The following SOX9 variants were observed in gnomAD, a reference collection of about 807,000 sequenced individuals.
SOX9 encodes transcription factor SOX-9.
A neutral mutation model predicts 44.8 loss-of-function variants in SOX9; 2 were observed. The ratio of observed to expected loss-of-function variants is 0.04; its 90% CI spans 0.02 to 0.14. The LOEUF (loss-of-function observed/expected upper bound fraction) is 0.14. SOX9 is among the 10% of genes least tolerant of loss of function. The pLI, the probability that SOX9 is intolerant of heterozygous loss-of-function variation, is 1.00. For synonymous variants in SOX9, 381 were observed against 331.8 expected, an observed-to-expected ratio of 1.15 and a Z score of -1.61; for missense variants, 583 against 728.6, an observed-to-expected ratio of 0.80 and a Z score of 2.30.
Position 72,121,547 on chromosome 17 carries a change from G to C in SOX9, c.156G>C (p.Thr52=), listed in dbSNP as rs747786977. 10 of 1,609,334 alleles carry C rather than the reference G, an allele frequency of 6.2e-6. No homozygotes were observed. The Admixed American group carries it at 1.7e-4, about 27-fold the overall frequency. Residue 52 remains threonine, a synonymous_variant, in exon 1 of 3, where the codon ACG becomes ACC. Coordinates refer to ENST00000245479, the MANE Select transcript of SOX9 (RefSeq NM_000346.4). The surrounding 1 kb of genome is among the most constrained non-coding windows in gnomAD (Gnocchi z 8.3). ...DTENTRPQEN[T]FPKGEPDLKK... is the part of the protein sequence containing the mutation. ...AGAACACGCGGCCCCAGGAGAACAC[G>C]TTCCCCAAGGGCGAGCCCGATCTGA... is the stretch of plus-strand genomic sequence containing the variant.
chr17:72,121,192 T>C lies in SOX9; in HGVS notation c.-200T>C, dbSNP rs1908073633. 3 of 591,616 alleles carry C rather than the reference T, an allele frequency of 5.1e-6. No homozygotes were observed. The highest frequency in any genetic ancestry group is 1.9e-5 in the African/African-American group (1 of 51,528). The allele number at this position is 591,616 out of a possible 1,614,324, so 36.6% of individuals were successfully genotyped here. A position where few individuals can be genotyped will look rare whatever the true frequency, so the allele number is the denominator to read the frequency against. ...TCCTCTCCAATTCGCCTCCCCCCAC[T>C]TGGAGCGGGCAGCTGTGAACTGGCC... On this transcript the variant is annotated 5_prime_UTR_variant, in exon 1 of 3. Transcript: ENST00000245479. This position sits in a 1 kb window ranked among gnomAD's most constrained non-coding sequence, Gnocchi z 8.3.
chr17:72,125,203 T>C lies in SOX9; in HGVS notation c.*816T>C. 4.4e-6 allele frequency: 1 copy of C among 226,614 alleles called. No homozygotes were observed. Among genetic ancestry groups the C allele is most frequent in the Non-Finnish European group, 8.8e-6 (1 of 113,740 alleles). The allele number at this position is 226,614 out of a possible 1,614,324, so 14.0% of individuals were successfully genotyped here. A position where few individuals can be genotyped will look rare whatever the true frequency, so the allele number is the denominator to read the frequency against. On this transcript the variant is annotated 3_prime_UTR_variant, in exon 3 of 3. Transcript: ENST00000245479. ...AGCATTTGGTAAGCTTTATCATATA[T>C]ATATTTTTTAAAGAAGAGAAAAACA...
In SOX9 at chr17:72,121,866, G is replaced by T; in HGVS notation, c.431+44G>T. On this transcript the variant is annotated intron_variant, in intron 1 of 2. Coordinates refer to ENST00000245479, the MANE Select transcript of SOX9 (RefSeq NM_000346.4). This position sits in a 1 kb window ranked among gnomAD's most constrained non-coding sequence, Gnocchi z 8.3. ...GGCGCGGCAGGGTGGGCATCGCGGC[G>T]GCTGGGGGCGCTGGTCAGGGCTGAT... 6.7e-7 allele frequency: 1 copy of T among 1,501,724 alleles called. No homozygotes were observed. Among genetic ancestry groups the T allele is most frequent in the Non-Finnish European group, 8.9e-7 (1 of 1,125,638 alleles). 93.0% of individuals were successfully genotyped at this position (1,501,724 alleles called of 1,614,324 possible).
Position 72,122,842 on chromosome 17 carries a change from G to A in SOX9, c.555G>A (p.Gly185=), listed in dbSNP as rs749381187. ...GGCGGAGGAAGTCGGTGAAGAACGG[G>A]CAGGCGGAGGCAGAGGAGGCCACGG... is the stretch of plus-strand genomic sequence containing the variant. ...QPRRRKSVKN[G]QAEAEEATEQ... Residue 185 remains glycine (G), a synonymous_variant, in exon 2 of 3, where the codon GGG becomes GGA. Transcript: ENST00000245479. The A allele has an allele frequency of 4.3e-6, 7 of 1,614,172 alleles. No individual in the cohort carries two copies. Among genetic ancestry groups the A allele is most frequent in the East Asian group, 2.2e-5 (1 of 44,882 alleles).
Position 72,125,897 on chromosome 17 carries a change from G to A in SOX9, c.*1510G>A, listed in dbSNP as rs1908270026. Reference sequence around the variant, plus strand: ...ACAGACCTTTGGGCTGCCTTATATTGTGTGTGTGTGTGGGTGTGTGTGTGT... The same window carrying A: ...ACAGACCTTTGGGCTGCCTTATATTATGTGTGTGTGTGGGTGTGTGTGTGT... On this transcript the variant is annotated 3_prime_UTR_variant, in exon 3 of 3. Transcript: ENST00000245479. 4.6e-6 allele frequency: 1 copy of A among 219,518 alleles called. No individual in the cohort carries two copies. Among genetic ancestry groups the A allele is most frequent in the Non-Finnish European group, 9.1e-6 (1 of 109,394 alleles). 13.6% of individuals were successfully genotyped at this position (219,518 alleles called of 1,614,324 possible). A position where few individuals can be genotyped will look rare whatever the true frequency, so the allele number is the denominator to read the frequency against.
rs1398925996 is a variant in SOX9, at chr17:72,123,092, C to G, written c.685+120C>G. On this transcript the variant is annotated intron_variant, in intron 2 of 2. Coordinates refer to ENST00000245479, the MANE Select transcript of SOX9 (RefSeq NM_000346.4). This position sits in a 1 kb window ranked among gnomAD's most constrained non-coding sequence, Gnocchi z 6.5. ...TGCTTCCCGGGAGGGACACACTGCC[C>G]TTTGCGCCCGTCCCGCTCCCCTCTC... 1 of 1,293,628 alleles carries G rather than the reference C, an allele frequency of 7.7e-7. No individual in the cohort carries two copies. The highest frequency in any genetic ancestry group is 1.5e-5 in the African/African-American group (1 of 68,322). The allele number at this position is 1,293,628 out of a possible 1,614,324, so 80.1% of individuals were successfully genotyped here.
Position 72,123,135 on chromosome 17 carries a change from G to A in SOX9, c.685+163G>A, listed in dbSNP as rs1269713025. ...CCCCTCTCTACCCAGAGCCTAAGAG[G>A]CATCCAAACAACACACACACAAACA... is the stretch of plus-strand genomic sequence containing the variant. On this transcript the variant is annotated intron_variant, in intron 2 of 2. Coordinates refer to ENST00000245479, the MANE Select transcript of SOX9 (RefSeq NM_000346.4). This position sits in a 1 kb window ranked among gnomAD's most constrained non-coding sequence, Gnocchi z 6.5. Among the ~76,000 whole-genome samples the A allele has an allele frequency of 6.6e-6, 1 of 152,088 alleles. No homozygotes were observed. Among genetic ancestry groups the A allele is most frequent in the Non-Finnish European group, 1.5e-5 (1 of 68,006 alleles).
chr17:72,121,279 C>G lies in SOX9; in HGVS notation c.-113C>G. ...GCCGACGCGCCAGCTTCCCCGGGAG[C>G]CGCTTGCTCCGCATCCGGGCAGCCG... On this transcript the variant is annotated 5_prime_UTR_variant, in exon 1 of 3. Transcript: ENST00000245479. The surrounding 1 kb of genome is among the most constrained non-coding windows in gnomAD (Gnocchi z 8.3). The G allele has an allele frequency of 1.0e-6, 1 of 970,188 alleles. No homozygotes were observed. Among genetic ancestry groups the G allele is most frequent in the South Asian group, 1.5e-5 (1 of 66,398 alleles). The allele number at this position is 970,188 out of a possible 1,614,324, so 60.1% of individuals were successfully genotyped here. A position where few individuals can be genotyped will look rare whatever the true frequency, so the allele number is the denominator to read the frequency against.
rs1567909950 is a variant in SOX9 at position 72,121,312 on chromosome 17, A to G, written c.-80A>G. 10 of 1,307,614 alleles carry G rather than the reference A, an allele frequency of 7.6e-6. No homozygotes were observed. The highest frequency in any genetic ancestry group is 1.1e-5 in the Non-Finnish European group (10 of 914,716). 81.0% of individuals were successfully genotyped at this position (1,307,614 alleles called of 1,614,324 possible). A position where few individuals can be genotyped will look rare whatever the true frequency, so the allele number is the denominator to read the frequency against. ...TCCGCATCCGGGCAGCCGAGGGGAGAGGAGCCCGCGCCTCGAGTCCCCGAG... is the reference window on the plus strand; with the variant it reads ...TCCGCATCCGGGCAGCCGAGGGGAGGGGAGCCCGCGCCTCGAGTCCCCGAG... On this transcript the variant is annotated 5_prime_UTR_variant, in exon 1 of 3. Transcript: ENST00000245479. This position sits in a 1 kb window ranked among gnomAD's most constrained non-coding sequence, Gnocchi z 8.3.
Position 72,121,556 on chromosome 17 carries a change from G to A in SOX9, c.165G>A (p.Lys55=), listed in dbSNP as rs2143237824. The change falls in exon 1 of 3, where the codon AAG becomes AAA. Residue 55 remains lysine, a synonymous_variant. Coordinates refer to ENST00000245479, the MANE Select transcript of SOX9 (RefSeq NM_000346.4). This position sits in a 1 kb window ranked among gnomAD's most constrained non-coding sequence, Gnocchi z 8.3. The part of the protein sequence containing the change: ...NTRPQENTFP[K]GEPDLKKESE... ...GGCCCCAGGAGAACACGTTCCCCAAGGGCGAGCCCGATCTGAAGAAGGAGA... is the reference window on the plus strand; with the variant it reads ...GGCCCCAGGAGAACACGTTCCCCAAAGGCGAGCCCGATCTGAAGAAGGAGA... 1 of 1,609,462 alleles carries A rather than the reference G, an allele frequency of 6.2e-7. No homozygotes were observed. Among genetic ancestry groups the A allele is most frequent in the Non-Finnish European group, 8.5e-7 (1 of 1,178,348 alleles).
Position 72,125,657 on chromosome 17 carries a change from C to T in SOX9, c.*1270C>T, listed in dbSNP as rs1375254742. The T allele has an allele frequency of 1.3e-5, 3 of 223,528 alleles. No homozygotes were observed. Among genetic ancestry groups the T allele is most frequent in the Non-Finnish European group, 8.9e-6 (1 of 112,564 alleles). 13.8% of individuals were successfully genotyped at this position (223,528 alleles called of 1,614,324 possible). A position where few individuals can be genotyped will look rare whatever the true frequency, so the allele number is the denominator to read the frequency against. ...TGTTAAATTATGTTCTTAACTGTAA[C>T]CAGTTTTTTTTTATTTATCTCTTTA... On this transcript the variant is annotated 3_prime_UTR_variant, in exon 3 of 3. Coordinates refer to ENST00000245479, the MANE Select transcript of SOX9 (RefSeq NM_000346.4).
At position 72,123,948 on chromosome 17, in the gene SOX9, C is replaced by A. The variant is rs200133354; in HGVS notation, c.1091C>A (p.Ala364Glu). The A allele has an allele frequency of 7.3e-7, 1 of 1,375,790 alleles. No homozygotes were observed. The highest frequency in any genetic ancestry group is 9.4e-7 in the Non-Finnish European group (1 of 1,068,478). 85.2% of individuals were successfully genotyped at this position (1,375,790 alleles called of 1,614,324 possible). The change falls in exon 3 of 3, where the codon GCG (alanine) becomes GAG (glutamate). Residue 364 changes from alanine (A) to glutamate (E), a missense_variant. Around this residue, in one of 7 missense-constraint regions of SOX9, gnomAD observed 349 missense variants for 387.0 expected, o/e 0.90. Transcript: ENST00000245479. The surrounding 1 kb of genome is among the most constrained non-coding windows in gnomAD (Gnocchi z 6.5). ...PAPQAPPQPQAAPPQQPAAPP... is the reference protein window; with the variant it reads ...PAPQAPPQPQEAPPQQPAAPP... Reference sequence around the variant, plus strand: ...CCGCAGGCGCCCCCGCAGCCGCAGGCGGCGCCCCCACAGCAGCCGGCGGCA... The same window carrying A: ...CCGCAGGCGCCCCCGCAGCCGCAGGAGGCGCCCCCACAGCAGCCGGCGGCA...
rs758181921 is a variant in SOX9, at chr17:72,124,144, C to A, written c.1287C>A (p.Ser429Arg). The change falls in exon 3 of 3, where the codon AGC becomes AGA. Residue 429 changes from serine (S) to arginine (R), a missense_variant. Coordinates refer to ENST00000245479, the MANE Select transcript of SOX9 (RefSeq NM_000346.4). The surrounding 1 kb of genome is among the most constrained non-coding windows in gnomAD (Gnocchi z 4.6). ...AYSPFNLPHY[S>R]PSYPPITRSQ... ...GCCCCTTCAACCTCCCACACTACAG[C>A]CCCTCCTACCCGCCCATCACCCGCT... The A allele has an allele frequency of 1.2e-6, 2 of 1,613,858 alleles. No homozygotes were observed. The highest frequency in any genetic ancestry group is 1.7e-6 in the Non-Finnish European group (2 of 1,180,014).
Position 72,125,718 on chromosome 17 carries a change from T to C in SOX9, c.*1331T>C, listed in dbSNP as rs1908265429. 4.4e-6 allele frequency: 1 copy of C among 227,160 alleles called. No individual in the cohort carries two copies. Among genetic ancestry groups the C allele is most frequent in the South Asian group, 1.8e-4 (1 of 5,476 alleles). 14.1% of individuals were successfully genotyped at this position (227,160 alleles called of 1,614,324 possible). A position where few individuals can be genotyped will look rare whatever the true frequency, so the allele number is the denominator to read the frequency against. On this transcript the variant is annotated 3_prime_UTR_variant, in exon 3 of 3. Transcript: ENST00000245479. ...ATTATTAAAAGCAAGTTTCTTTGTATTCCTCACCCTAGATTTGTATAAATG... is the reference window on the plus strand; with the variant it reads ...ATTATTAAAAGCAAGTTTCTTTGTACTCCTCACCCTAGATTTGTATAAATG...
In SOX9 at chr17:72,125,833, ATGTAG is replaced by A. The variant is rs1188219494; in HGVS notation, c.*1451_*1455del. 1.7e-5 allele frequency: 4 copies of A among 231,826 alleles called. No individual in the cohort carries two copies. Among genetic ancestry groups the A allele is most frequent in the Non-Finnish European group, 2.6e-5 (3 of 117,030 alleles). 14.4% of individuals were successfully genotyped at this position (231,826 alleles called of 1,614,324 possible). On this transcript the variant is annotated 3_prime_UTR_variant, in exon 3 of 3. Transcript: ENST00000245479. The stretch of plus-strand genomic sequence containing the variant: ...TTTTTGTATAAATGAGAGATTGCAA[ATGTAG>A]TGTATCACTGAGTCATTTGCAGTGT...
chr17:72,122,303 G>A (rs921349031), intron 1 of SOX9, among the ~76,000 whole-genome samples: 12 of 151,250 alleles, frequency 7.9e-5, no homozygotes, highest in African/African-American at 2.9e-4. Flanking sequence ...ACTGGAAATA[G>A]GTGGGAGTGT....
rs201838871 is a variant in SOX9, at chr17:72,121,375, C to A, written c.-17C>A. ...CTCGCCTTTCCCGGCCACCAGCCCC[C>A]TGCCCCGGGCCCGCGTATGAATCTC... is the stretch of plus-strand genomic sequence containing the variant. On this transcript the variant is annotated 5_prime_UTR_variant, in exon 1 of 3. The change creates a new upstream start codon in the 5' untranslated region. Coordinates refer to ENST00000245479, the MANE Select transcript of SOX9 (RefSeq NM_000346.4). The surrounding 1 kb of genome is among the most constrained non-coding windows in gnomAD (Gnocchi z 8.3). 6.2e-7 allele frequency: 1 copy of A among 1,611,140 alleles called. No individual in the cohort carries two copies. Among genetic ancestry groups the A allele is most frequent in the African/African-American group, 1.3e-5 (1 of 75,036 alleles).
At position 72,121,700 on chromosome 17, in the gene SOX9, G is replaced by T; in HGVS notation, c.309G>T (p.Pro103=). Residue 103 remains proline (P), a synonymous_variant, in exon 1 of 3, where the codon CCG becomes CCT. Transcript: ENST00000245479. The surrounding 1 kb of genome is among the most constrained non-coding windows in gnomAD (Gnocchi z 8.3). ...VRVNGSSKNK[P]HVKRPMNAFM... ...TCAACGGCTCCAGCAAGAACAAGCC[G>T]CACGTCAAGCGGCCCATGAACGCCT... is the stretch of plus-strand genomic sequence containing the variant. The T allele has an allele frequency of 6.2e-7, 1 of 1,604,284 alleles. No homozygotes were observed. The highest frequency in any genetic ancestry group is 8.5e-7 in the Non-Finnish European group (1 of 1,175,902).
At position 72,123,433 on chromosome 17, in the gene SOX9, GC is replaced by G. The variant is rs2143249267; in HGVS notation, c.686-107del. The G allele has an allele frequency of 2.0e-6, 3 of 1,471,516 alleles. No individual in the cohort carries two copies. In the East Asian group the frequency reaches 6.8e-5, roughly 33 times the overall value. 91.2% of individuals were successfully genotyped at this position (1,471,516 alleles called of 1,614,324 possible). A position where few individuals can be genotyped will look rare whatever the true frequency, so the allele number is the denominator to read the frequency against. ...CAGCGCGCCTCTTGCGCGGGTGCGG[GC>G]CCTTATTACACTTTAGCAGCGAGGG... is the stretch of plus-strand genomic sequence containing the variant. On this transcript the variant is annotated intron_variant, in intron 2 of 2. Transcript: ENST00000245479. The surrounding 1 kb of genome is among the most constrained non-coding windows in gnomAD (Gnocchi z 6.5).
Sources: gnomAD v4.1 joint callset for allele counts (sites outside exome capture counted in the v4.1 genomes callset) on GRCh38, gnomAD v4.1.1 for gene constraint, gnomAD v4.1.1 regional missense constraint, Gnocchi (gnomAD v3.1) non-coding constraint, MANE v1.5 for transcripts, NCBI Gene and HGNC (gene_info 2026-07-23, HGNC 2026-07-21) for gene names.